MECOM: variants seen among roughly 807,000 people sequenced by gnomAD.
MECOM encodes the protein MDS1 and EVI1 complex locus.
Under a neutral mutation model 116.3 loss-of-function variants are expected in MECOM, and 13 were observed. The observed-to-expected ratio is 0.11, with a 90% CI of 0.07 to 0.18. The LOEUF is 0.18. Among genes scored for constraint, MECOM ranks in the 10% least tolerant of loss-of-function variants. The pLI is 1.00. For synonymous variants in MECOM, 528 were observed against 535.2 expected (o/e 0.99, Z 0.19); for missense variants, 1,299 against 1,509.0 (o/e 0.86, Z 2.31).
chr3:169,325,040 CAA>C (rs1721611801), intron 2 of MECOM, among the ~76,000 whole-genome samples: 2 of 152,072 alleles, frequency 1.3e-5, no homozygotes, highest in African/African-American at 4.8e-5. Flanking sequence ...CTAGGATGAT[CAA>C]AACCAGATCT....
intron 1 of MECOM, among the ~76,000 whole-genome samples, chr3:169,589,251 G>T (rs982467939): frequency 5.3e-5 from 8 of 151,580 alleles, no homozygotes; most frequent in African/African-American, 1.9e-4. Context: ...GGAGAAGAAG[G>T]CCCCAGGATA....
At chr3:169,271,308 T>C (rs1758916888) in intron 2 of MECOM, among the ~76,000 whole-genome samples, 2 of 152,162 alleles carry the variant, frequency 1.3e-5, no homozygotes, top group African/African-American at 4.8e-5. Flanking sequence ...CAGATTATCC[T>C]GATAAAAGGA....
chr3:169,319,093 G>T (rs1373082933), intron 2 of MECOM, among the ~76,000 whole-genome samples: 1 of 139,258 alleles, frequency 7.2e-6, no homozygotes, highest in Non-Finnish European at 1.5e-5. Context: ...GTGAGACTCT[G>T]TCTAAAAAAA....
intron 1 of MECOM, among the ~76,000 whole-genome samples, chr3:169,452,159 T>A (rs1162730730): frequency 2.6e-5 from 4 of 151,876 alleles, no homozygotes; most frequent in African/African-American, 9.7e-5. Context: ...GTAAGCCGGG[T>A]CATCACTACT....
At chr3:169,492,071 T>G (rs973671892) in intron 1 of MECOM, among the ~76,000 whole-genome samples, 3 of 152,208 alleles carry the variant, frequency 2.0e-5, no homozygotes, top group African/African-American at 7.2e-5. Context: ...ATTAGTATTG[T>G]CTTCAATTCT....
intron 2 of MECOM, among the ~76,000 whole-genome samples, chr3:169,219,195 A>G (rs1403894415): frequency 6.6e-6 from 1 of 152,130 alleles, no homozygotes; most frequent in African/African-American, 2.4e-5. Context: ...ATATCAATCT[A>G]TATTAGGTCC....
chr3:169,469,344 CTA>C (rs995438681), intron 1 of MECOM, among the ~76,000 whole-genome samples: 7 of 152,266 alleles, frequency 4.6e-5, no homozygotes, highest in Admixed American at 2.0e-4. Context: ...AGCAGGGAGT[CTA>C]TATCTACAAT....
chr3:169,502,076 C>T (rs557881778), intron 1 of MECOM, among the ~76,000 whole-genome samples: 1 of 152,076 alleles, frequency 6.6e-6, no homozygotes, highest in East Asian at 1.9e-4. Flanking sequence ...ATTTATGATC[C>T]TCATTGTAGT....
chr3:169,479,652 T>TAAAAAA (rs3042768), intron 1 of MECOM, among the ~76,000 whole-genome samples: 1 of 126,672 alleles, frequency 7.9e-6, no homozygotes, highest in Non-Finnish European at 1.6e-5. Flanking sequence ...TTCTCTTACC[T>TAAAAAA]AAAAAAAAAA....
chr3:169,153,062 A>G (rs1213771547), intron 2 of MECOM, among the ~76,000 whole-genome samples: 1 of 152,132 alleles, frequency 6.6e-6, no homozygotes, highest in Non-Finnish European at 1.5e-5. Flanking sequence ...GACTATTTTG[A>G]TGTGTTTCAG....
At chr3:169,287,131 T>C (rs571548309) in intron 2 of MECOM, among the ~76,000 whole-genome samples, 1 of 152,270 alleles carries the variant, frequency 6.6e-6, no homozygotes, top group East Asian at 1.9e-4. Flanking sequence ...CCTTTCTCTC[T>C]CTCTGTCATG....
At chr3:169,657,637 G>C (rs1258122028) in intron 1 of MECOM, among the ~76,000 whole-genome samples, 1 of 152,196 alleles carries the variant, frequency 6.6e-6, no homozygotes, top group Non-Finnish European at 1.5e-5. Flanking sequence ...TCCCACTTGA[G>C]CTAAATAGGT....
chr3:169,274,848 C>T (rs1263610732), intron 2 of MECOM, among the ~76,000 whole-genome samples: 1 of 152,168 alleles, frequency 6.6e-6, no homozygotes, highest in Non-Finnish European at 1.5e-5. Context: ...TTCTATTGGG[C>T]ATCTCTTATT....
chr3:169,164,342 C>G (rs1456278816), intron 2 of MECOM, among the ~76,000 whole-genome samples: 1 of 152,148 alleles, frequency 6.6e-6, no homozygotes, highest in Non-Finnish European at 1.5e-5. Context: ...TCCTCCTTGC[C>G]TTCCACCCTG....
At chr3:169,101,410 C>T (rs1723503755) in intron 11 of MECOM, among the ~76,000 whole-genome samples, 1 of 152,138 alleles carries the variant, frequency 6.6e-6, no homozygotes, top group Non-Finnish European at 1.5e-5. Flanking sequence ...TCAGATCAGA[C>T]AAAATCCTGA....
chr3:169,186,383 AGGGAGGGAGGGAGGG>A (rs1559966884), intron 2 of MECOM, among the ~76,000 whole-genome samples: 343 of 25,516 alleles, frequency 0.013, 1 homozygote, highest in South Asian at 0.03. Flanking sequence ...GAAGGAAGGG[AGGGAGGGAGGGAGGG>A]AGGGAGGGAG....
rs527881402 is a variant in MECOM, at chr3:169,263,420, G to A, written c.375+117767C>T. Among the ~76,000 whole-genome samples the A allele has an allele frequency of 1.7e-4, 26 of 151,556 alleles. 1 individual carries two copies. The highest frequency in any genetic ancestry group is 9.2e-4 in the Admixed American group (14 of 15,168). ...TGGGATTACAGATGTGAGCCACCGC[G>A]CCCTGCCAAGATGAAAGATATTTAA... On this transcript the variant is annotated intron_variant, in intron 2 of 16. Coordinates refer to ENST00000651503, the MANE Select transcript of MECOM (RefSeq NM_004991.4).
intron 1 of MECOM, among the ~76,000 whole-genome samples, chr3:169,547,627 C>A (rs1294553056): frequency 6.6e-6 from 1 of 152,118 alleles, no homozygotes; most frequent in African/African-American, 2.4e-5. Context: ...AAGATATGTT[C>A]AAGTCCTAAT....
At chr3:169,243,542 T>C (rs779996538) in intron 2 of MECOM, among the ~76,000 whole-genome samples, 13 of 151,956 alleles carry the variant, frequency 8.6e-5, no homozygotes, top group Non-Finnish European at 1.8e-4. Flanking sequence ...GACAATATTG[T>C]TAAAAAAAAT....
Sources: gnomAD v4.1 joint callset for allele counts (sites outside exome capture counted in the v4.1 genomes callset) on GRCh38, gnomAD v4.1.1 for gene constraint, MANE v1.5 for transcripts, NCBI Gene and HGNC (gene_info 2026-07-23, HGNC 2026-07-21) for gene names.